Variants in BCL7B observed in about 807,000 individuals in gnomAD.
BCL7B encodes the protein B-cell CLL/lymphoma 7 protein family member B.
A neutral mutation model predicts 26.5 loss-of-function variants in BCL7B; 11 were observed. The ratio of observed to expected loss-of-function variants is 0.42; its 90% CI spans 0.26 to 0.69. BCL7B has a LOEUF of 0.69. BCL7B is among the 30% of genes least tolerant of loss of function. The pLI, the probability that BCL7B is intolerant of heterozygous loss-of-function variation, is 0.28. For missense variants in BCL7B, 215 were observed against 264.4 expected (o/e 0.81, Z 1.30); for synonymous variants, 111 against 107.9 (o/e 1.03, Z -0.18).
intron 2 of BCL7B, among the ~76,000 whole-genome samples, chr7:73,544,459 T>A (rs1262086799): frequency 1.3e-5 from 2 of 148,214 alleles, no homozygotes; most frequent in Non-Finnish European, 3.0e-5. Context: ...AATAAATAAA[T>A]AAATAAAAAT....
chr7:73,538,768 C>T (rs1311012893), intron 4 of BCL7B, among the ~76,000 whole-genome samples: 1 of 141,924 alleles, frequency 7.0e-6, no homozygotes, highest in African/African-American at 2.6e-5. Flanking sequence ...AGCTAGGATT[C>T]AGCCACTGCA....
At chr7:73,551,343 A>C (rs554170516) in intron 2 of BCL7B, among the ~76,000 whole-genome samples, 1 of 152,286 alleles carries the variant, frequency 6.6e-6, no homozygotes, top group South Asian at 2.1e-4. Flanking sequence ...ACTGTTGCCC[A>C]GGCTGGAGTG....
intron 2 of BCL7B, among the ~76,000 whole-genome samples, chr7:73,549,501 C>T (rs1792076564): frequency 6.6e-6 from 1 of 152,064 alleles, no homozygotes; most frequent in Non-Finnish European, 1.5e-5. Context: ...CAATGAGACC[C>T]CCCACCATCT....
chr7:73,543,200 G>A (rs972384238), intron 3 of BCL7B, among the ~76,000 whole-genome samples: 14 of 149,428 alleles, frequency 9.4e-5, no homozygotes, highest in East Asian at 5.9e-4. Flanking sequence ...TTTTTGAGAC[G>A]GAGTCTCACT....
At chr7:73,551,834 G>A (rs899451760) in intron 2 of BCL7B, among the ~76,000 whole-genome samples, 7 of 151,804 alleles carry the variant, frequency 4.6e-5, no homozygotes, top group Admixed American at 2.6e-4. Context: ...AGTGGCTCAC[G>A]CCTGTAATCC....
At chr7:73,547,348 C>T (rs573651712) in intron 2 of BCL7B, among the ~76,000 whole-genome samples, 12 of 152,166 alleles carry the variant, frequency 7.9e-5, no homozygotes, top group Admixed American at 2.0e-4. Context: ...CTGTAGTCCC[C>T]GTTACTTGGG....
rs1791680238 is a variant in BCL7B, at chr7:73,539,667, C to T, written c.436+215G>A. 6 of 535,698 alleles carry T rather than the reference C, an allele frequency of 1.1e-5. No individual in the cohort carries two copies. In the South Asian group the frequency reaches 2.0e-4, roughly 18 times the overall value. 33.2% of individuals were successfully genotyped at this position (535,698 alleles called of 1,614,324 possible). A position where few individuals can be genotyped will look rare whatever the true frequency, so the allele number is the denominator to read the frequency against. ...ATAGCAGGCGTCAAATACTCAAGTT[C>T]CTTCCACACAGCCTGGCACGCAACT... On this transcript the variant is annotated intron_variant, in intron 4 of 5. Transcript: ENST00000223368.
chr7:73,548,012 G>A (rs1792016725), intron 2 of BCL7B, among the ~76,000 whole-genome samples: 1 of 152,080 alleles, frequency 6.6e-6, no homozygotes, highest in Non-Finnish European at 1.5e-5. Context: ...TTCAGCTACT[G>A]GGAGGCTAGG....
intron 3 of BCL7B, 132 bp from the exon 4 acceptor site, chr7:73,540,184 C>T (rs1472200735): frequency 1.1e-6 from 1 of 926,802 alleles, no homozygotes; most frequent in Non-Finnish European, 1.6e-6. Flanking sequence ...ATCATTGTGC[C>T]CGGCCTACAC....
At chr7:73,543,753 G>A (rs1791857481) in intron 2 of BCL7B, 109 bp from the exon 3 acceptor site, 3 of 713,842 alleles carry the variant, frequency 4.2e-6, no homozygotes, top group East Asian at 3.2e-5. Flanking sequence ...GACTGAACAG[G>A]AAAAACGACA....
chr7:73,552,326 G>T, intron 1 of BCL7B, 84 bp from the exon 2 acceptor site: 1 of 1,096,110 alleles, frequency 9.1e-7, no homozygotes, highest in Non-Finnish European at 1.4e-6. Flanking sequence ...CTACTCAGCA[G>T]ATCATTCCTT....
At chr7:73,548,550 A>G (rs1792040554) in intron 2 of BCL7B, among the ~76,000 whole-genome samples, 1 of 151,676 alleles carries the variant, frequency 6.6e-6, no homozygotes, top group African/African-American at 2.4e-5. Context: ...CCAGGAGACA[A>G]AAGTAGAAGT....
At chr7:73,541,545 A>G (rs1447726283) in intron 3 of BCL7B, among the ~76,000 whole-genome samples, 2 of 147,036 alleles carry the variant, frequency 1.4e-5, no homozygotes, top group East Asian at 4.0e-4. Context: ...TCAGCTCACC[A>G]CAACCTCTGC....
chr7:73,539,908 G>T lies in BCL7B; in HGVS notation c.410C>A (p.Pro137Gln), dbSNP rs1554582606. The change falls in exon 4 of 6, where the codon CCA becomes CAA. Residue 137 changes from proline to glutamine, a missense_variant. Transcript: ENST00000223368. The part of the protein sequence containing the change: ...SDFRTDDSQP[P>Q]TLGQEILEEP... ...CTCCAGGATCTCCTGGCCCAGCGTT[G>T]GGGGCTGGGAGTCATCCGTGCGGAA... 1.2e-6 allele frequency: 2 copies of T among 1,613,834 alleles called. No homozygotes were observed. The highest frequency in any genetic ancestry group is 1.7e-6 in the Non-Finnish European group (2 of 1,180,012).
At chr7:73,549,920 T>C (rs1792094310) in intron 2 of BCL7B, among the ~76,000 whole-genome samples, 1 of 152,176 alleles carries the variant, frequency 6.6e-6, no homozygotes, top group African/African-American at 2.4e-5. Flanking sequence ...GGAGAGTCAT[T>C]ACCTTTAGAG....
chr7:73,537,438 G>C, intron 5 of BCL7B, 48 bp from the exon 6 acceptor site: 1 of 1,452,264 alleles, frequency 6.9e-7, no homozygotes, highest in Non-Finnish European at 9.7e-7. Flanking sequence ...CTCCCAACCA[G>C]AACCTTCCCA....
intron 3 of BCL7B, among the ~76,000 whole-genome samples, chr7:73,541,465 C>CTTTTT (rs781916545): frequency 7.3e-6 from 1 of 136,546 alleles, no homozygotes; most frequent in South Asian, 2.3e-4. Flanking sequence ...ATACCCAGTA[C>CTTTTT]TTTTTTTTTT....
chr7:73,538,804 C>A (rs1406818148), intron 4 of BCL7B, among the ~76,000 whole-genome samples: 1 of 140,840 alleles, frequency 7.1e-6, no homozygotes, highest in African/African-American at 2.7e-5. Context: ...CAGAGCAAGA[C>A]CCTATCTCTT....
chr7:73,555,393 C>G (rs1792324331), intron 1 of BCL7B, among the ~76,000 whole-genome samples: 1 of 82,246 alleles, frequency 1.2e-5, no homozygotes, highest in Non-Finnish European at 2.7e-5. Flanking sequence ...CAGAGCAAGA[C>G]TCTGTCTCAA....
Sources: gnomAD v4.1 joint callset for allele counts (sites outside exome capture counted in the v4.1 genomes callset) on GRCh38, gnomAD v4.1.1 for gene constraint, MANE v1.5 for transcripts, NCBI Gene and HGNC (gene_info 2026-07-23, HGNC 2026-07-21) for gene names.